PGGT1B: variants seen among roughly 807,000 people sequenced by gnomAD.
PGGT1B encodes the protein geranylgeranyl transferase type-1 subunit beta.
In PGGT1B, 30 loss-of-function variants were observed where a neutral mutation model predicts 46.1. The observed-to-expected ratio is 0.65, with a 90% CI of 0.49 to 0.88. PGGT1B has a LOEUF of 0.88. PGGT1B is among the 40% of genes least tolerant of loss of function. The probability of loss-of-function intolerance (pLI) is 0.00; values close to 1 mark genes in which losing one functional copy is unlikely to be tolerated. For synonymous variants in PGGT1B, 170 were observed against 160.0 expected, an observed-to-expected ratio of 1.06 and a Z score of -0.47; for missense variants, 376 against 455.9, an observed-to-expected ratio of 0.82 and a Z score of 1.60.
In PGGT1B at chr5:115,209,277, T is replaced by C. The variant is rs184662013; in HGVS notation, c.*3125A>G. ...GTCCTCAGTGCTGGGCTTTGTCTCA[T>C]AAGCTTCAAGAGGTACACAGCGTAA... On this transcript the variant is annotated 3_prime_UTR_variant, in exon 9 of 9. Coordinates refer to ENST00000419445, the MANE Select transcript of PGGT1B (RefSeq NM_005023.4). The C allele has an allele frequency of 6.6e-4, 100 of 152,256 alleles. No individual in the cohort carries two copies. The highest frequency in any genetic ancestry group is 2.3e-3 in the African/African-American group (96 of 41,572). The allele number at this position is 152,256 out of a possible 1,614,324, so 9.4% of individuals were successfully genotyped here.
intron 4 of PGGT1B, among the ~76,000 whole-genome samples, chr5:115,237,271 A>C (rs1757212674): frequency 6.6e-6 from 1 of 152,192 alleles, no homozygotes; most frequent in Admixed American, 6.5e-5. Flanking sequence ...GCACAGCAGG[A>C]TTTGTTTGCA....
Position 115,224,952 on chromosome 5 carries a change from G to A in PGGT1B, c.659-2944C>T, listed in dbSNP as rs922661886. ...GATTACAAAATTCTATTTAAAAACA[G>A]GCACAAGAACTAAAATGGAATATCT... On this transcript the variant is annotated intron_variant, in intron 6 of 8. Coordinates refer to ENST00000419445, the MANE Select transcript of PGGT1B (RefSeq NM_005023.4). Among the ~76,000 whole-genome samples the A allele has an allele frequency of 9.2e-5, 14 of 152,088 alleles. No individual in the cohort carries two copies. In the East Asian group the frequency reaches 2.5e-3, roughly 27 times the overall value.
chr5:115,255,885 G>A (rs1471025968), intron 1 of PGGT1B, among the ~76,000 whole-genome samples: 1 of 152,102 alleles, frequency 6.6e-6, no homozygotes, highest in African/African-American at 2.4e-5. Context: ...CTCCACAGGG[G>A]TGCTTCTCAT....
rs913261952 is a variant in PGGT1B, at chr5:115,241,579, C to T, written c.287G>A (p.Arg96Gln). 5 of 1,607,502 alleles carry T rather than the reference C, an allele frequency of 3.1e-6. No individual in the cohort carries two copies. The highest frequency in any genetic ancestry group is 2.2e-5 in the South Asian group (2 of 90,190). Reference protein sequence around the residue: ...DRSNLNRCGFRGSSYLGIPFN... With the variant: ...DRSNLNRCGFQGSSYLGIPFN... Reference sequence around the variant, plus strand: ...CGGAATACCCAGGTATGAAGAGCCTCGGAAACCACAGCGATTTAGATTTGA... The same window carrying T: ...CGGAATACCCAGGTATGAAGAGCCTTGGAAACCACAGCGATTTAGATTTGA... Residue 96 changes from arginine (R) to glutamine (Q), a missense_variant, in exon 3 of 9, where the codon CGA (arginine) becomes CAA (glutamine). By Grantham distance (43) the Arg-to-Gln change is conservative. Coordinates refer to ENST00000419445, the MANE Select transcript of PGGT1B (RefSeq NM_005023.4).
chr5:115,212,719 T>C (rs1756273273), intron 8 of PGGT1B, 136 bp from the exon 9 acceptor site: 10 of 568,266 alleles, frequency 1.8e-5, no homozygotes, highest in Non-Finnish European at 2.7e-5. Context: ...GTTTTAAAAA[T>C]ATTTGCTTTC....
intron 6 of PGGT1B, among the ~76,000 whole-genome samples, chr5:115,229,102 G>C (rs553773622): frequency 1.3e-5 from 2 of 152,068 alleles, no homozygotes; most frequent in Non-Finnish European, 2.9e-5. Flanking sequence ...GTGATGAGAA[G>C]GGGAAAGAAA....
At chr5:115,247,593 C>T (rs1443701726) in intron 2 of PGGT1B, among the ~76,000 whole-genome samples, 1 of 151,974 alleles carries the variant, frequency 6.6e-6, no homozygotes, top group Admixed American at 6.6e-5. Context: ...AACACAATTT[C>T]CTAGTAAGAA....
At chr5:115,253,012 A>C (rs1020450033) in intron 2 of PGGT1B, 125 bp downstream of exon 2, 1 of 815,176 alleles carries the variant, frequency 1.2e-6, no homozygotes, top group Admixed American at 2.9e-5. Context: ...ATGCTGCATT[A>C]CAACAAAATC....
rs1391917891 is a variant in PGGT1B, at chr5:115,211,096, T to C, written c.*1306A>G. 1 of 152,088 alleles carries C rather than the reference T, an allele frequency of 6.6e-6. No individual in the cohort carries two copies. Among genetic ancestry groups the C allele is most frequent in the East Asian group, 1.9e-4 (1 of 5,204 alleles). 9.4% of individuals were successfully genotyped at this position (152,088 alleles called of 1,614,324 possible). ...TCCAGTTTTTATACTGATACTTGTA[T>C]TTCAACATTTATTATCACCAAGACT... On this transcript the variant is annotated 3_prime_UTR_variant, in exon 9 of 9. Coordinates refer to ENST00000419445, the MANE Select transcript of PGGT1B (RefSeq NM_005023.4).
In PGGT1B at chr5:115,236,473, A is replaced by G. The variant is rs200084260; in HGVS notation, c.529T>C (p.Cys177Arg). 12 of 1,579,600 alleles carry G rather than the reference A, an allele frequency of 7.6e-6. No individual in the cohort carries two copies. The highest frequency in any genetic ancestry group is 3.4e-6 in the Non-Finnish European group (4 of 1,166,124). The change falls in exon 5 of 9, where the codon TGT (cysteine) becomes CGT (arginine). Residue 177 changes from cysteine to arginine, a missense_variant. Cys to Arg is a radical substitution (Grantham distance 180). This residue lies in a region of PGGT1B where 222 missense variants were observed against 313.6 expected (regional missense o/e 0.71). Transcript: ENST00000419445. Reference protein sequence around the residue: ...GSENDMRFVYCASCICYMLNN... With the variant: ...GSENDMRFVYRASCICYMLNN... ...AGCATATAGCAAATACAGGAAGCAC[A>G]GTACACAAATCGCATGTCATTTTCA...
Position 115,237,864 on chromosome 5 carries a change from T to C in PGGT1B, c.473A>G (p.Asp158Gly). Residue 158 changes from aspartate (D) to glycine (G), a missense_variant, in exon 4 of 9, where the codon GAT (aspartate) becomes GGT (glycine). This residue lies in a region of PGGT1B where 222 missense variants were observed against 313.6 expected (regional missense o/e 0.71). Coordinates refer to ENST00000419445, the MANE Select transcript of PGGT1B (RefSeq NM_005023.4). The stretch of plus-strand genomic sequence containing the variant: ...AACAAAGAATCACTCATACCTCCCA[T>C]CTTCCAGCTGAAGGGCTCTCAAGCC... ...LAGLRALQLE[D>G]GSFCAVPEGS... The C allele has an allele frequency of 1.2e-6, 2 of 1,600,968 alleles. No homozygotes were observed. The highest frequency in any genetic ancestry group is 1.7e-6 in the Non-Finnish European group (2 of 1,177,050).
chr5:115,261,166 T>A (rs1325398590), intron 1 of PGGT1B, among the ~76,000 whole-genome samples: 1 of 152,192 alleles, frequency 6.6e-6, no homozygotes, highest in Non-Finnish European at 1.5e-5. Flanking sequence ...TATAAACAAT[T>A]TATCAACATT....
chr5:115,217,458 G>A lies in PGGT1B; in HGVS notation c.844-485C>T, dbSNP rs561427674. Reference sequence around the variant, plus strand: ...TAAAAAAGTATAGCTCTTTAATTAGGAAAGAAAAAGGTAAGACAAAAATGA... The same window carrying A: ...TAAAAAAGTATAGCTCTTTAATTAGAAAAGAAAAAGGTAAGACAAAAATGA... On this transcript the variant is annotated intron_variant, in intron 7 of 8. Coordinates refer to ENST00000419445, the MANE Select transcript of PGGT1B (RefSeq NM_005023.4). Among the ~76,000 whole-genome samples the A allele has an allele frequency of 4.6e-5, 7 of 152,016 alleles. No individual in the cohort carries two copies. The South Asian group carries it at 1.4e-3, about 31-fold the overall frequency.
At chr5:115,223,811 C>A (rs541725409) in intron 6 of PGGT1B, among the ~76,000 whole-genome samples, 76 of 152,330 alleles carry the variant, frequency 5.0e-4, no homozygotes, top group Middle Eastern at 3.4e-3. Context: ...TTTACTGGCA[C>A]TATTTGTTGT....
At chr5:115,215,638 T>A (rs1756392467) in intron 8 of PGGT1B, among the ~76,000 whole-genome samples, 2 of 152,100 alleles carry the variant, frequency 1.3e-5, no homozygotes, top group South Asian at 4.1e-4. Flanking sequence ...CAAGTAGGGG[T>A]GTAAGGAAAT....
intron 5 of PGGT1B, among the ~76,000 whole-genome samples, chr5:115,231,979 T>G (rs1002667085): frequency 2.0e-5 from 3 of 152,072 alleles, no homozygotes; most frequent in African/African-American, 2.4e-5. Context: ...TAGGAATTGG[T>G]CATTGCTCAT....
In PGGT1B at chr5:115,207,207, A is replaced by ATATAT. The variant is rs60853946; in HGVS notation, c.*5194_*5195insATATA. ...TATATATATATATATATATATATAT[A>ATATAT]GTCTTGTTACTCTTTTTAGTAAACA... is the stretch of plus-strand genomic sequence containing the variant. On this transcript the variant is annotated 3_prime_UTR_variant, in exon 9 of 9. Coordinates refer to ENST00000419445, the MANE Select transcript of PGGT1B (RefSeq NM_005023.4). The ATATAT allele has an allele frequency of 7.1e-6, 1 of 140,930 alleles. No homozygotes were observed. The highest frequency in any genetic ancestry group is 1.6e-5 in the Non-Finnish European group (1 of 64,508). 8.7% of individuals were successfully genotyped at this position (140,930 alleles called of 1,614,324 possible). A position where few individuals can be genotyped will look rare whatever the true frequency, so the allele number is the denominator to read the frequency against.
intron 2 of PGGT1B, among the ~76,000 whole-genome samples, chr5:115,247,231 T>C (rs1401348960): frequency 1.3e-5 from 2 of 152,158 alleles, no homozygotes; most frequent in Non-Finnish European, 2.9e-5. Flanking sequence ...ACTTATGGAA[T>C]ATAAAAGTTT....
Position 115,206,485 on chromosome 5 carries a change from T to C in PGGT1B, c.*5917A>G, listed in dbSNP as rs1463278685. ...TCATTTTCTCACTAACTTGAGATGC[T>C]GCCTTTACTGTATTCTAAATGCCAC... On this transcript the variant is annotated 3_prime_UTR_variant, in exon 9 of 9. Transcript: ENST00000419445. 3 of 152,076 alleles carry C rather than the reference T, an allele frequency of 2.0e-5. No homozygotes were observed. The highest frequency in any genetic ancestry group is 2.9e-5 in the Non-Finnish European group (2 of 67,912). The allele number at this position is 152,076 out of a possible 1,614,324, so 9.4% of individuals were successfully genotyped here.
Sources: allele counts gnomAD v4.1 joint callset (sites outside exome capture counted in the v4.1 genomes callset), GRCh38; gene constraint gnomAD v4.1.1; regional missense constraint gnomAD v4.1.1; transcripts MANE v1.5; gene names NCBI Gene and HGNC (gene_info 2026-07-23, HGNC 2026-07-21).